Variants in CDH23 observed in about 807,000 individuals in gnomAD.
The protein encoded by CDH23 is cadherin-23.
In CDH23, 189 loss-of-function variants were observed where a neutral mutation model predicts 317.1. The ratio of observed to expected loss-of-function variants is 0.60; its 90% CI spans 0.53 to 0.67. CDH23 has a LOEUF of 0.67. CDH23 is among the 30% of genes least tolerant of loss of function. The probability of loss-of-function intolerance (pLI) is 0.00; values close to 1 mark genes in which losing one functional copy is unlikely to be tolerated. For synonymous variants in CDH23, 1,839 were observed against 1,876.8 expected (o/e 0.98, Z 0.52); for missense variants, 4,401 against 4,592.4 (o/e 0.96, Z 1.20).
intron 3 of CDH23, among the ~76,000 whole-genome samples, chr10:71,499,149 A>C (rs1235555339): frequency 1.3e-5 from 2 of 152,236 alleles, no homozygotes; most frequent in African/African-American, 4.8e-5. Flanking sequence ...TAAGCCAGGC[A>C]CAGAAAGACA....
chr10:71,667,827 G>T (rs915726621), intron 14 of CDH23, among the ~76,000 whole-genome samples: 12 of 152,106 alleles, frequency 7.9e-5, no homozygotes, highest in African/African-American at 2.2e-4. Flanking sequence ...AAGATGTTGC[G>T]CTGAGCACCA....
At chr10:71,696,136 AC>A (rs1865381136) in intron 22 of CDH23, among the ~76,000 whole-genome samples, 1 of 152,138 alleles carries the variant, frequency 6.6e-6, no homozygotes, top group Admixed American at 6.5e-5. Context: ...TCCAGCGGAG[AC>A]CAGAATCCTG....
chr10:71,486,176 T>A (rs575129803), intron 3 of CDH23, among the ~76,000 whole-genome samples: 23 of 152,334 alleles, frequency 1.5e-4, no homozygotes, highest in Admixed American at 5.2e-4. Flanking sequence ...ATCAATTTCA[T>A]CTTTGGGGTC....
At position 71,604,913 on chromosome 10, in the gene CDH23, A is replaced by C. The variant is rs546049565; in HGVS notation, c.833-10591A>C. On this transcript the variant is annotated intron_variant, in intron 9 of 69. Coordinates refer to ENST00000224721, the MANE Select transcript of CDH23 (RefSeq NM_022124.6). ...CCTTCATCCTAGCTGATGTAGCAAG[A>C]CCAGGGCGGGAAAGGCCCCTGCCCT... Among the ~76,000 whole-genome samples, 3 of 152,340 alleles carry C rather than the reference A, an allele frequency of 2.0e-5. No homozygotes were observed. In the South Asian group the frequency reaches 6.2e-4, roughly 32 times the overall value.
intron 13 of CDH23, among the ~76,000 whole-genome samples, chr10:71,646,193 G>A (rs1862847379): frequency 6.7e-6 from 1 of 149,894 alleles, no homozygotes; most frequent in African/African-American, 2.4e-5. Context: ...TAATTGAGTG[G>A]AATTTTACCA....
At chr10:71,691,134 C>A (rs1253223135) in intron 20 of CDH23, among the ~76,000 whole-genome samples, 1 of 152,198 alleles carries the variant, frequency 6.6e-6, no homozygotes, top group Non-Finnish European at 1.5e-5. Context: ...GCCCCCTGCC[C>A]CCAGCTCCCA....
Position 71,793,633 on chromosome 10 carries a change from C to T in CDH23, c.6705C>T (p.Ile2235=), listed in dbSNP as rs114827737. The change falls in exon 48 of 70, where the codon ATC becomes ATT. Residue 2235 remains isoleucine (I), a synonymous_variant. Transcript: ENST00000224721. ...PNQEDAFAVN[I]NTGSVMVKSP... The stretch of plus-strand genomic sequence containing the variant: ...AGGAGGACGCCTTTGCTGTGAATAT[C>T]AACACAGGTACAAGGGCCTGCACCC... 3.6e-4 allele frequency: 563 copies of T among 1,584,082 alleles called. 2 individuals carry two copies. The African/African-American group carries it at 6.8e-3, about 19-fold the overall frequency.
In CDH23 at chr10:71,791,147, G is replaced by A; in HGVS notation, c.6065G>A (p.Arg2022Lys). Residue 2022 changes from arginine to lysine, a missense_variant, in exon 47 of 70, where the codon AGG becomes AAG. Physicochemically the swap from Arg to Lys is conservative, Grantham distance 26 (BLOSUM62 2). Transcript: ENST00000224721. ...CGGGTGCCAGGTGTGGTGACCGTGA[G>A]GTCAGGTGTCATCATTGACCGGGAG... ...INSSTGVVTV[R>K]SGVIIDREAF... is the part of the protein sequence containing the mutation. 6.2e-7 allele frequency: 1 copy of A among 1,609,882 alleles called. No individual in the cohort carries two copies. The highest frequency in any genetic ancestry group is 8.5e-7 in the Non-Finnish European group (1 of 1,178,336).
intron 60 of CDH23, among the ~76,000 whole-genome samples, chr10:71,808,546 T>C (rs1286300193): frequency 6.6e-6 from 1 of 152,240 alleles, no homozygotes; most frequent in Non-Finnish European, 1.5e-5. Context: ...TATCTATGGA[T>C]GTGCATGTTT....
intron 30 of CDH23, 30 bp downstream of exon 30, chr10:71,725,550 C>A (rs1364064981): frequency 6.2e-7 from 1 of 1,602,924 alleles, no homozygotes; most frequent in Admixed American, 1.7e-5. Flanking sequence ...GGGGTGCTGA[C>A]CTCAGGACGG....
chr10:71,504,032 T>G (rs1313505560), intron 3 of CDH23, among the ~76,000 whole-genome samples: 3 of 130,644 alleles, frequency 2.3e-5, no homozygotes, highest in African/African-American at 9.6e-5. Context: ...CAATTTAAGG[T>G]TTTTTTTTTT....
At position 71,815,573 on chromosome 10, in the gene CDH23, A is replaced by C; in HGVS notation, c.*295A>C. On this transcript the variant is annotated 3_prime_UTR_variant, in exon 70 of 70. Transcript: ENST00000224721. The stretch of plus-strand genomic sequence containing the variant: ...GTCACTGGGGCCCAAGAGTCTGGGG[A>C]CCAGCTTGGCTCAGGCTGAGCTGAA... 1 of 285,952 alleles carries C rather than the reference A, an allele frequency of 3.5e-6. No individual in the cohort carries two copies. Among genetic ancestry groups the C allele is most frequent in the Non-Finnish European group, 6.6e-6 (1 of 152,492 alleles). 17.7% of individuals were successfully genotyped at this position (285,952 alleles called of 1,614,324 possible).
intron 3 of CDH23, among the ~76,000 whole-genome samples, chr10:71,493,718 T>A (rs1852793976): frequency 6.6e-6 from 1 of 152,222 alleles, no homozygotes; most frequent in Non-Finnish European, 1.5e-5. Flanking sequence ...CAGATTTTTT[T>A]TCTAATGCAA....
intron 38 of CDH23, among the ~76,000 whole-genome samples, chr10:71,742,488 G>T (rs1269987201): frequency 6.6e-6 from 1 of 152,232 alleles, no homozygotes; most frequent in African/African-American, 2.4e-5. Context: ...GTGAGGGAAG[G>T]ACTTGTGGTC....
intron 29 of CDH23, among the ~76,000 whole-genome samples, chr10:71,724,769 A>G (rs1866732302): frequency 6.6e-6 from 1 of 152,144 alleles, no homozygotes; most frequent in Admixed American, 6.5e-5. Context: ...CCCTGAACCA[A>G]TCGCTATGGC....
At chr10:71,638,310 G>T (rs1862372086) in intron 11 of CDH23, among the ~76,000 whole-genome samples, 1 of 152,202 alleles carries the variant, frequency 6.6e-6, no homozygotes, top group Non-Finnish European at 1.5e-5. Context: ...CACCCTGACT[G>T]ATGGCAGAGA....
rs745639708 is a variant in CDH23 at position 71,679,427 on chromosome 10, A to G, written c.1793A>G (p.Tyr598Cys). The change falls in exon 17 of 70, where the codon TAC becomes TGC. Residue 598 changes from tyrosine to cysteine, a missense_variant. Tyr to Cys is a radical substitution (Grantham distance 194). Coordinates refer to ENST00000224721, the MANE Select transcript of CDH23 (RefSeq NM_022124.6). Reference protein sequence around the residue: ...EDSPPNNQITYSIVSASAFGS... With the variant: ...EDSPPNNQITCSIVSASAFGS... ...TCCCCTCCCAACAACCAGATCACCT[A>G]CAGCATTGTCAGTGCATCTGCCTTT... 31 of 1,613,656 alleles carry G rather than the reference A, an allele frequency of 1.9e-5. No homozygotes were observed. Among genetic ancestry groups the G allele is most frequent in the Non-Finnish European group, 2.5e-5 (29 of 1,179,820 alleles).
chr10:71,798,990 G>C (rs1841483158), intron 50 of CDH23, 121 bp from the exon 51 acceptor site: 2 of 927,548 alleles, frequency 2.2e-6, no homozygotes, highest in Non-Finnish European at 3.2e-6. Context: ...GGTGCTGCCT[G>C]ACCACCCTCC....
chr10:71,809,663 G>A (rs1000075022), intron 60 of CDH23, among the ~76,000 whole-genome samples, 157 bp from the exon 61 acceptor site: 11 of 152,176 alleles, frequency 7.2e-5, no homozygotes, highest in Admixed American at 2.6e-4. Flanking sequence ...GATGGGCATC[G>A]TTCCCACTTG....
Sources: allele counts gnomAD v4.1 joint callset (sites outside exome capture counted in the v4.1 genomes callset), GRCh38; gene constraint gnomAD v4.1.1; transcripts MANE v1.5; gene names NCBI Gene and HGNC (gene_info 2026-07-23, HGNC 2026-07-21).